GALNTL6: variants seen among roughly 807,000 people sequenced by gnomAD.
GALNTL6 encodes the protein polypeptide N-acetylgalactosaminyltransferase like 6.
A neutral mutation model predicts 73.7 loss-of-function variants in GALNTL6; 46 were observed. The observed-to-expected ratio is 0.62, with a 90% CI of 0.49 to 0.80. The LOEUF (loss-of-function observed/expected upper bound fraction) is 0.80, where lower values mean the gene tolerates loss of function less well. Among genes scored for constraint, GALNTL6 ranks in the 30% least tolerant of loss-of-function variants. The pLI is 0.00. For synonymous variants in GALNTL6, 259 were observed against 263.7 expected (o/e 0.98, Z 0.17); for missense variants, 604 against 755.0 (o/e 0.80, Z 2.34).
At chr4:172,741,613 G>A (rs1561305) in intron 5 of GALNTL6, among the ~76,000 whole-genome samples, 54,509 of 151,662 alleles carry the variant, frequency 0.36, 10,834 homozygotes, top group African/African-American at 0.52. Context: ...CCATGCTTTA[G>A]GCTTCTCAGC....
At chr4:173,028,105 T>C (rs1377833976) in intron 12 of GALNTL6, among the ~76,000 whole-genome samples, 3 of 152,150 alleles carry the variant, frequency 2.0e-5, no homozygotes, top group African/African-American at 7.2e-5. Context: ...TCCAAACATT[T>C]AATGCAAAAC....
At position 172,446,262 on chromosome 4, in the gene GALNTL6, G is replaced by C. The variant is rs574597232; in HGVS notation, c.553+97573G>C. Among the ~76,000 whole-genome samples the C allele has an allele frequency of 3.3e-5, 5 of 152,228 alleles. No homozygotes were observed. The South Asian group carries it at 1.0e-3, about 32-fold the overall frequency. ...TTTATGACGATCACAGAGCTTTAAG[G>C]TGGCAGAATTAGAATTTGAGTCCAG... On this transcript the variant is annotated intron_variant, in intron 5 of 12. Coordinates refer to ENST00000506823, the MANE Select transcript of GALNTL6 (RefSeq NM_001034845.3).
intron 2 of GALNTL6, among the ~76,000 whole-genome samples, chr4:171,980,165 G>A (rs1028424281): frequency 2.0e-5 from 3 of 152,050 alleles, no homozygotes; most frequent in Admixed American, 6.6e-5. Flanking sequence ...GCACTTACTA[G>A]GGTAGGAAAA....
chr4:172,337,364 C>T (rs1433600123), intron 4 of GALNTL6, among the ~76,000 whole-genome samples: 1 of 152,078 alleles, frequency 6.6e-6, no homozygotes, highest in African/African-American at 2.4e-5. Context: ...TGTGTAGTTG[C>T]TTCATAGAAT....
At chr4:172,052,051 G>T (rs1187120345) in intron 2 of GALNTL6, among the ~76,000 whole-genome samples, 1 of 152,050 alleles carries the variant, frequency 6.6e-6, no homozygotes, top group Non-Finnish European at 1.5e-5. Context: ...ATGAAATATT[G>T]CCTTTAAACT....
At chr4:172,384,673 A>C (rs1177282978) in intron 5 of GALNTL6, among the ~76,000 whole-genome samples, 1 of 151,688 alleles carries the variant, frequency 6.6e-6, no homozygotes, top group Admixed American at 6.6e-5. Flanking sequence ...TAATTTCTTT[A>C]GATGGAAGGT....
chr4:172,354,927 C>G (rs541081151), intron 5 of GALNTL6, among the ~76,000 whole-genome samples: 2 of 151,956 alleles, frequency 1.3e-5, no homozygotes, highest in Non-Finnish European at 2.9e-5. Context: ...TCCTGAAGTG[C>G]GAATGTGAAT....
chr4:171,878,108 G>T (rs1273914032), intron 2 of GALNTL6, among the ~76,000 whole-genome samples: 4 of 152,214 alleles, frequency 2.6e-5, no homozygotes, highest in African/African-American at 9.6e-5. Context: ...GTGTAATACA[G>T]GCTAAATAGA....
At chr4:172,309,308 C>A (rs1578939901) in intron 3 of GALNTL6, among the ~76,000 whole-genome samples, 2 of 151,520 alleles carry the variant, frequency 1.3e-5, no homozygotes, top group Admixed American at 1.3e-4. Context: ...GATATGGAAA[C>A]CAAATTTTCT....
At chr4:173,027,493 T>G (rs1753280782) in intron 12 of GALNTL6, among the ~76,000 whole-genome samples, 1 of 152,184 alleles carries the variant, frequency 6.6e-6, no homozygotes, top group African/African-American at 2.4e-5. Context: ...ATCCTCAAGT[T>G]TTTACCATGT....
chr4:171,944,487 T>C (rs1354082495), intron 2 of GALNTL6, among the ~76,000 whole-genome samples: 1 of 151,976 alleles, frequency 6.6e-6, no homozygotes, highest in Non-Finnish European at 1.5e-5. Flanking sequence ...ACAATAAAAT[T>C]AGGGTTTTGG....
intron 8 of GALNTL6, among the ~76,000 whole-genome samples, chr4:172,886,322 G>T (rs562241530): frequency 6.6e-6 from 1 of 152,176 alleles, no homozygotes; most frequent in East Asian, 1.9e-4. Context: ...CAATATTTTG[G>T]TGTACAGTTG....
At chr4:172,221,085 T>C (rs1422489438) in intron 2 of GALNTL6, among the ~76,000 whole-genome samples, 1 of 151,862 alleles carries the variant, frequency 6.6e-6, no homozygotes, top group Non-Finnish European at 1.5e-5. Flanking sequence ...AGTAGATATA[T>C]GAAAGCACCT....
chr4:172,788,122 G>T (rs546286887), intron 5 of GALNTL6, among the ~76,000 whole-genome samples: 1 of 152,128 alleles, frequency 6.6e-6, no homozygotes. Context: ...GAGGTGGAAA[G>T]ATCACTTGAG....
Position 171,814,420 on chromosome 4 carries a change from C to T in GALNTL6, c.-161C>T. The T allele has an allele frequency of 1.5e-6, 1 of 674,306 alleles. No homozygotes were observed. Among genetic ancestry groups the T allele is most frequent in the East Asian group, 2.7e-5 (1 of 36,874 alleles). The allele number at this position is 674,306 out of a possible 1,614,324, so 41.8% of individuals were successfully genotyped here. A position where few individuals can be genotyped will look rare whatever the true frequency, so the allele number is the denominator to read the frequency against. On this transcript the variant is annotated 5_prime_UTR_variant, in exon 2 of 13. Transcript: ENST00000506823. ...GTGCGTTTGTTCTGCAGATGGCCAA[C>T]TCCCTCTGAATCCTGCAGATTGGTG...
At chr4:172,205,478 G>T (rs1474403746) in intron 2 of GALNTL6, among the ~76,000 whole-genome samples, 1 of 152,132 alleles carries the variant, frequency 6.6e-6, no homozygotes, top group African/African-American at 2.4e-5. Context: ...GGCCAATCCG[G>T]ACCACACAGT....
intron 2 of GALNTL6, among the ~76,000 whole-genome samples, chr4:172,028,201 C>A: frequency 1.3e-5 from 2 of 149,344 alleles, no homozygotes; most frequent in Non-Finnish European, 1.5e-5. Flanking sequence ...TAGAAACTAC[C>A]AAAATAATAA....
chr4:172,775,367 C>CA (rs1428210348), intron 5 of GALNTL6, among the ~76,000 whole-genome samples: 1 of 152,092 alleles, frequency 6.6e-6, no homozygotes, highest in Non-Finnish European at 1.5e-5. Context: ...AATGTGTTTT[C>CA]AAAAATGTAA....
intron 2 of GALNTL6, among the ~76,000 whole-genome samples, chr4:172,210,310 A>G (rs1185621087): frequency 6.6e-6 from 1 of 152,042 alleles, no homozygotes; most frequent in Admixed American, 6.5e-5. Flanking sequence ...AGTGTTCTCA[A>G]CTAAAGTCTG....
Sources: allele counts gnomAD v4.1 joint callset (sites outside exome capture counted in the v4.1 genomes callset), GRCh38; gene constraint gnomAD v4.1.1; transcripts MANE v1.5; gene names NCBI Gene and HGNC (gene_info 2026-07-23, HGNC 2026-07-21).